DSCAM: variants seen among roughly 807,000 people sequenced by gnomAD.
DSCAM encodes the protein DS cell adhesion molecule.
A neutral mutation model predicts 217.7 loss-of-function variants in DSCAM; 47 were observed. That is an observed-to-expected ratio of 0.22 (90% CI 0.17 to 0.28). The LOEUF (loss-of-function observed/expected upper bound fraction) is 0.28, where lower values mean the gene tolerates loss of function less well. Ranked by LOEUF, DSCAM falls within the 10% of genes least tolerant of loss-of-function variation. The pLI is 1.00. For missense variants in DSCAM, 2,080 were observed against 2,618.3 expected (o/e 0.79, Z 4.49); for synonymous variants, 1,056 against 1,015.3 (o/e 1.04, Z -0.76).
chr21:40,508,575 T>C (rs969476029), intron 3 of DSCAM, among the ~76,000 whole-genome samples: 3 of 151,002 alleles, frequency 2.0e-5, no homozygotes, highest in African/African-American at 7.3e-5. Flanking sequence ...TTATCATCAT[T>C]ATTATTATTT....
At chr21:40,081,501 C>G (rs1022451969) in intron 24 of DSCAM, among the ~76,000 whole-genome samples, 6 of 152,018 alleles carry the variant, frequency 3.9e-5, no homozygotes, top group Non-Finnish European at 8.8e-5. Context: ...CATAGGGTCC[C>G]TCCTCCTTCC....
intron 1 of DSCAM, among the ~76,000 whole-genome samples, chr21:40,794,144 C>T (rs372335588): frequency 4.6e-5 from 7 of 152,002 alleles, no homozygotes; most frequent in African/African-American, 1.2e-4. Context: ...ATTTTTATAT[C>T]GCAAAGGGAT....
At chr21:40,485,538 G>A (rs1054107913) in intron 3 of DSCAM, among the ~76,000 whole-genome samples, 31 of 151,786 alleles carry the variant, frequency 2.0e-4, no homozygotes, top group Non-Finnish European at 4.3e-4. Flanking sequence ...CACCGCGCCC[G>A]GCCCACACTG....
chr21:40,837,949 AGACTGG>A, intron 1 of DSCAM, among the ~76,000 whole-genome samples: 1 of 152,246 alleles, frequency 6.6e-6, no homozygotes, highest in Admixed American at 6.5e-5. Flanking sequence ...GCAATTAAGC[AGACTGG>A]GACTTGGATT....
intron 3 of DSCAM, among the ~76,000 whole-genome samples, chr21:40,482,935 C>T (rs556547797): frequency 5.9e-5 from 9 of 152,266 alleles, no homozygotes; most frequent in African/African-American, 1.9e-4. Context: ...ACACACAGCC[C>T]GCCTAATTGT....
chr21:40,395,998 A>T (rs2075175276), intron 3 of DSCAM, among the ~76,000 whole-genome samples: 1 of 152,142 alleles, frequency 6.6e-6, no homozygotes, highest in Non-Finnish European at 1.5e-5. Context: ...CAGCAACAGA[A>T]AGCTGACTTT....
intron 10 of DSCAM, among the ~76,000 whole-genome samples, chr21:40,285,696 C>T (rs531578667): frequency 6.6e-6 from 1 of 152,298 alleles, no homozygotes; most frequent in African/African-American, 2.4e-5. Flanking sequence ...TTGGGGAACA[C>T]ACAACACACA....
chr21:40,454,098 G>GAC (rs1394804486), intron 3 of DSCAM, among the ~76,000 whole-genome samples: 3 of 152,232 alleles, frequency 2.0e-5, no homozygotes, highest in Non-Finnish European at 4.4e-5. Flanking sequence ...AAGCCAATTA[G>GAC]ACAGTCTGTC....
chr21:40,794,627 T>C (rs565476049), intron 1 of DSCAM, among the ~76,000 whole-genome samples: 1 of 151,658 alleles, frequency 6.6e-6, no homozygotes, highest in East Asian at 1.9e-4. Flanking sequence ...TGACTACTTA[T>C]CCCTTGGTCT....
At chr21:40,101,154 C>T (rs2089745272) in intron 20 of DSCAM, among the ~76,000 whole-genome samples, 1 of 152,170 alleles carries the variant, frequency 6.6e-6, no homozygotes. Context: ...GTGGATGGGA[C>T]ATTTGTGGAC....
At chr21:40,113,608 G>A (rs2089928599) in intron 20 of DSCAM, among the ~76,000 whole-genome samples, 1 of 152,116 alleles carries the variant, frequency 6.6e-6, no homozygotes, top group Admixed American at 6.6e-5. Context: ...AGTAGGAAAA[G>A]AGGAAGTCAA....
intron 3 of DSCAM, among the ~76,000 whole-genome samples, chr21:40,669,504 G>C (rs949515995): frequency 6.6e-6 from 1 of 151,976 alleles, no homozygotes; most frequent in Non-Finnish European, 1.5e-5. Flanking sequence ...TACACTAGTT[G>C]TCTATAATTC....
intron 3 of DSCAM, among the ~76,000 whole-genome samples, chr21:40,548,045 G>A (rs547668730): frequency 6.6e-5 from 10 of 152,270 alleles, no homozygotes; most frequent in South Asian, 4.1e-4. Context: ...GCAGAGCTGC[G>A]GAGGAGCGGG....
chr21:40,428,232 CTTTGTGTGTGTG>C (rs1185230524), intron 3 of DSCAM, among the ~76,000 whole-genome samples: 9 of 129,532 alleles, frequency 6.9e-5, no homozygotes, highest in African/African-American at 2.6e-4. Flanking sequence ...AGGGCAAATA[CTTTGTGTGTGTG>C]TGTGTGTGTG....
At chr21:40,179,249 A>AATGCAATGT (rs1476287135) in intron 14 of DSCAM, among the ~76,000 whole-genome samples, 155 bp from the exon 15 acceptor site, 1 of 151,266 alleles carries the variant, frequency 6.6e-6, no homozygotes, top group Non-Finnish European at 1.5e-5. Context: ...GTGATTTCTG[A>AATGCAATGT]ATGCAATGTT....
At chr21:40,672,633 C>G (rs892645205) in intron 3 of DSCAM, among the ~76,000 whole-genome samples, 1 of 152,204 alleles carries the variant, frequency 6.6e-6, no homozygotes, top group Non-Finnish European at 1.5e-5. Context: ...CCTCCGCACA[C>G]ACATATACAC....
At chr21:40,160,561 G>A (rs1164746309) in intron 16 of DSCAM, among the ~76,000 whole-genome samples, 1 of 152,204 alleles carries the variant, frequency 6.6e-6, no homozygotes, top group East Asian at 1.9e-4. Flanking sequence ...ATATCATTCT[G>A]ACCATACACA....
chr21:40,334,608 C>T (rs906379883), intron 8 of DSCAM, among the ~76,000 whole-genome samples: 1 of 152,098 alleles, frequency 6.6e-6, no homozygotes, highest in Admixed American at 6.5e-5. Context: ...CCGAATAGAC[C>T]ATTCTCAGCA....
intron 6 of DSCAM, among the ~76,000 whole-genome samples, chr21:40,340,450 G>C (rs2074479155): frequency 6.6e-6 from 1 of 152,142 alleles, no homozygotes; most frequent in East Asian, 1.9e-4. Flanking sequence ...CATATTAAAG[G>C]AAATGTATGA....
Sources: allele counts gnomAD v4.1 joint callset (sites outside exome capture counted in the v4.1 genomes callset), GRCh38; gene constraint gnomAD v4.1.1; transcripts MANE v1.5; gene names NCBI Gene and HGNC (gene_info 2026-07-23, HGNC 2026-07-21).